GALNTL6: variants seen among roughly 807,000 people sequenced by gnomAD.
The protein encoded by GALNTL6 is polypeptide N-acetylgalactosaminyltransferase-like 6.
In GALNTL6, 46 loss-of-function variants were observed where a neutral mutation model predicts 73.7. The ratio of observed to expected loss-of-function variants is 0.62; its 90% CI spans 0.49 to 0.80. GALNTL6 has a LOEUF of 0.80. GALNTL6 is among the 30% of genes least tolerant of loss of function. The probability of loss-of-function intolerance (pLI) is 0.00; values close to 1 mark genes in which losing one functional copy is unlikely to be tolerated. For synonymous variants in GALNTL6, 259 were observed against 263.7 expected (o/e 0.98, Z 0.17); for missense variants, 604 against 755.0 (o/e 0.80, Z 2.34).
intron 2 of GALNTL6, among the ~76,000 whole-genome samples, chr4:171,973,625 C>T (rs958295185): frequency 3.3e-5 from 5 of 152,172 alleles, no homozygotes; most frequent in African/African-American, 1.2e-4. Flanking sequence ...GCAATGAACC[C>T]ATTTCCAAAT....
chr4:172,970,676 A>G (rs775919888), intron 10 of GALNTL6, among the ~76,000 whole-genome samples: 121 of 152,326 alleles, frequency 7.9e-4, no homozygotes, highest in Non-Finnish European at 1.2e-3. Flanking sequence ...TATTGTTCAA[A>G]CACACATACT....
Position 171,940,861 on chromosome 4 carries a change from AAAT to A in GALNTL6, c.138+126145_138+126147del, listed in dbSNP as rs1457588518. Among the ~76,000 whole-genome samples the A allele has an allele frequency of 5.4e-3, 776 of 144,490 alleles. 6 individuals carry two copies. The highest frequency in any genetic ancestry group is 9.0e-3 in the African/African-American group (338 of 37,534). 94.8% of individuals were successfully genotyped at this position (144,490 alleles called of 152,430 possible). On this transcript the variant is annotated intron_variant, in intron 2 of 12. Coordinates refer to ENST00000506823, the MANE Select transcript of GALNTL6 (RefSeq NM_001034845.3). ...TAAATAAATAAATAAATAAATAAAT[AAAT>A]ATATAAGTCATGTATGCATTATAAG...
In GALNTL6 at chr4:172,184,486, G is replaced by T. The variant is rs192203237; in HGVS notation, c.139-45170G>T. Among the ~76,000 whole-genome samples, 172 of 152,228 alleles carry T rather than the reference G, an allele frequency of 1.1e-3. 3 individuals are homozygous for T. In the East Asian group the frequency reaches 0.028, roughly 24 times the overall value. ...AAGAGGCTTTTATTTTGAAAGTAGA[G>T]TAAAATCATCCTTTTTGATAAATAT... On this transcript the variant is annotated intron_variant, in intron 2 of 12. Coordinates refer to ENST00000506823, the MANE Select transcript of GALNTL6 (RefSeq NM_001034845.3).
chr4:172,124,282 C>A (rs1355778148), intron 2 of GALNTL6, among the ~76,000 whole-genome samples: 2 of 152,094 alleles, frequency 1.3e-5, no homozygotes, highest in Admixed American at 1.3e-4. Flanking sequence ...CTACATAATT[C>A]ACCAAATTAA....
At chr4:172,353,999 A>G (rs1742058585) in intron 5 of GALNTL6, among the ~76,000 whole-genome samples, 1 of 152,304 alleles carries the variant, frequency 6.6e-6, no homozygotes, top group African/African-American at 2.4e-5. Flanking sequence ...AAGTTTTACA[A>G]CTATTCGAAG....
rs1310744851 is a variant in GALNTL6, at chr4:172,792,204, C to T, written c.554-17157C>T. On this transcript the variant is annotated intron_variant, in intron 5 of 12. Transcript: ENST00000506823. Reference sequence around the variant, plus strand: ...AACATTTCTTAATACAAAATGAGCGCAAATAAATGAAGAGTATATTTATGG... The same window carrying T: ...AACATTTCTTAATACAAAATGAGCGTAAATAAATGAAGAGTATATTTATGG... Among the ~76,000 whole-genome samples, 4 of 152,026 alleles carry T rather than the reference C, an allele frequency of 2.6e-5. No homozygotes were observed. In the South Asian group the frequency reaches 8.3e-4, roughly 32 times the overall value.
chr4:172,433,627 CT>C (rs1731537310), intron 5 of GALNTL6, among the ~76,000 whole-genome samples: 1 of 152,068 alleles, frequency 6.6e-6, no homozygotes. Context: ...AGGTTAAGAT[CT>C]TCTTTAGTGC....
chr4:172,175,253 A>G (rs947878043), intron 2 of GALNTL6, among the ~76,000 whole-genome samples: 9 of 151,952 alleles, frequency 5.9e-5, no homozygotes, highest in Non-Finnish European at 1.0e-4. Context: ...ATTTTTTTGT[A>G]TGGGGTTTCA....
At chr4:172,615,950 T>C (rs1738710733) in intron 5 of GALNTL6, among the ~76,000 whole-genome samples, 1 of 152,180 alleles carries the variant, frequency 6.6e-6, no homozygotes, top group South Asian at 2.1e-4. Context: ...TTCTTTTCTT[T>C]AAGTAAATGA....
In GALNTL6 at chr4:173,021,459, T is replaced by C; in HGVS notation, c.1489-17T>C. On this transcript the variant is annotated splice_polypyrimidine_tract_variant and intron_variant, in intron 11 of 12. Transcript: ENST00000506823. ...AACAAACTCACTGCAGCTTTTCTGC[T>C]ACTGTTGCTTTGCTAGCTTTTTACC... 1 of 1,613,800 alleles carries C rather than the reference T, an allele frequency of 6.2e-7. No individual in the cohort carries two copies. Among genetic ancestry groups the C allele is most frequent in the Non-Finnish European group, 8.5e-7 (1 of 1,179,768 alleles).
chr4:172,444,716 A>G (rs903437290), intron 5 of GALNTL6, among the ~76,000 whole-genome samples: 3 of 152,176 alleles, frequency 2.0e-5, no homozygotes, highest in Non-Finnish European at 4.4e-5. Context: ...AAGCTATTCC[A>G]TAGAGTTTTC....
chr4:172,904,379 G>A (rs549404274), intron 8 of GALNTL6, among the ~76,000 whole-genome samples: 1 of 152,212 alleles, frequency 6.6e-6, no homozygotes, highest in Non-Finnish European at 1.5e-5. Context: ...TAATAATAGA[G>A]ACAGGAAAAG....
rs58953734 is a variant in GALNTL6, at chr4:172,069,535, A to ATGTTATGTATGACACATATGTG, written c.139-160120_139-160119insGTTATGTATGACACATATGTGT. ...TATATGTTATATGTATAACACATAT[A>ATGTTATGTATGACACATATGTG]TTATATATAACACATATATGTTATA... On this transcript the variant is annotated intron_variant, in intron 2 of 12. Coordinates refer to ENST00000506823, the MANE Select transcript of GALNTL6 (RefSeq NM_001034845.3). 2.1e-4 allele frequency among the ~76,000 whole-genome samples: 12 copies of ATGTTATGTATGACACATATGTG among 55,984 alleles called. 3 individuals are homozygous for ATGTTATGTATGACACATATGTG. In the South Asian group the frequency reaches 5.5e-3, roughly 26 times the overall value. 36.7% of individuals were successfully genotyped at this position (55,984 alleles called of 152,430 possible). A position where few individuals can be genotyped will look rare whatever the true frequency, so the allele number is the denominator to read the frequency against.
At chr4:172,546,798 G>GTATATATATGTGTA (rs74218672) in intron 5 of GALNTL6, among the ~76,000 whole-genome samples, 1 of 15,494 alleles carries the variant, frequency 6.5e-5, no homozygotes, top group Admixed American at 6.6e-4. Context: ...ATATATATAC[G>GTATATATATGTGTA]TATATATACG....
chr4:171,968,846 G>T (rs10213180), intron 2 of GALNTL6, among the ~76,000 whole-genome samples: 71,242 of 147,196 alleles, frequency 0.48, 18,053 homozygotes, highest in East Asian at 0.6. Flanking sequence ...CGGGGTGGGG[G>T]GGGGGTTGGG....
chr4:172,177,956 C>T (rs536145763), intron 2 of GALNTL6, among the ~76,000 whole-genome samples: 10 of 151,542 alleles, frequency 6.6e-5, no homozygotes, highest in African/African-American at 9.7e-5. Flanking sequence ...TTGAAGCCAT[C>T]GTGAATATGT....
chr4:172,685,816 G>A (rs901909613), intron 5 of GALNTL6, among the ~76,000 whole-genome samples: 2 of 152,092 alleles, frequency 1.3e-5, no homozygotes, highest in Non-Finnish European at 2.9e-5. Flanking sequence ...ATGAAGGAGC[G>A]GGGATGTCTA....
intron 2 of GALNTL6, among the ~76,000 whole-genome samples, chr4:172,049,142 T>A (rs1304507102): frequency 6.6e-6 from 1 of 152,212 alleles, no homozygotes; most frequent in East Asian, 1.9e-4. Context: ...TATCTTTAGG[T>A]TATTTTATAA....
At position 172,592,716 on chromosome 4, in the gene GALNTL6, C is replaced by CTATCGAGA. The variant is rs1553963436; in HGVS notation, c.554-216645_554-216644insTATCGAGA. On this transcript the variant is annotated intron_variant, in intron 5 of 12. Transcript: ENST00000506823. ...TCTATCTATCTATCTATCTATCTAT[C>CTATCGAGA]GAGAGAGACTATGAGAGGATCCTGG... Among the ~76,000 whole-genome samples, 16 of 151,648 alleles carry CTATCGAGA rather than the reference C, an allele frequency of 1.1e-4. No homozygotes were observed. In the East Asian group the frequency reaches 2.3e-3, roughly 22 times the overall value.
Sources: allele counts gnomAD v4.1 joint callset (sites outside exome capture counted in the v4.1 genomes callset), GRCh38; gene constraint gnomAD v4.1.1; transcripts MANE v1.5; gene names NCBI Gene and HGNC (gene_info 2026-07-23, HGNC 2026-07-21).